CNTN5: variants seen among roughly 807,000 people sequenced by gnomAD.
CNTN5 encodes the protein contactin 5.
A neutral mutation model predicts 129.1 loss-of-function variants in CNTN5; 77 were observed. The observed-to-expected ratio is 0.60, with a 90% CI of 0.50 to 0.72. The LOEUF (loss-of-function observed/expected upper bound fraction) is 0.72. Ranked by LOEUF, CNTN5 falls within the 30% of genes least tolerant of loss-of-function variation. The probability of loss-of-function intolerance (pLI) is 0.00; values close to 1 mark genes in which losing one functional copy is unlikely to be tolerated. For missense variants in CNTN5, 1,478 were observed against 1,328.8 expected (o/e 1.11, Z -1.75); for synonymous variants, 509 against 465.6 (o/e 1.09, Z -1.20).
At chr11:99,895,272 A>G (rs989789227) in intron 6 of CNTN5, among the ~76,000 whole-genome samples, 1 of 152,192 alleles carries the variant, frequency 6.6e-6, no homozygotes, top group East Asian at 1.9e-4. Flanking sequence ...AGGGCTAGTC[A>G]ATATTGACAT....
intron 15 of CNTN5, among the ~76,000 whole-genome samples, chr11:100,204,498 C>A (rs996440545): frequency 1.3e-5 from 2 of 149,550 alleles, no homozygotes; most frequent in Non-Finnish European, 3.0e-5. Context: ...AGAAGAGAGA[C>A]AGGCTCTCAC....
At chr11:100,305,263 A>T (rs140085904) in intron 20 of CNTN5, among the ~76,000 whole-genome samples, 2 of 151,600 alleles carry the variant, frequency 1.3e-5, no homozygotes, top group African/African-American at 4.8e-5. Context: ...GATTTAAAAC[A>T]GGTCCATTAC....
chr11:99,823,299 C>G (rs925273325), intron 4 of CNTN5, among the ~76,000 whole-genome samples: 11 of 152,026 alleles, frequency 7.2e-5, no homozygotes, highest in African/African-American at 2.7e-4. Context: ...TTTAAAGTTT[C>G]CTTTATATGT....
intron 10 of CNTN5, among the ~76,000 whole-genome samples, chr11:100,066,974 C>A (rs184794409): frequency 6.6e-6 from 1 of 151,948 alleles, no homozygotes; most frequent in Non-Finnish European, 1.5e-5. Context: ...TATTTCAGGC[C>A]TTAATTCAGT....
intron 2 of CNTN5, among the ~76,000 whole-genome samples, chr11:99,445,943 G>A (rs181580457): frequency 2.5e-4 from 38 of 152,028 alleles, no homozygotes; most frequent in African/African-American, 8.7e-4. Context: ...AATTAGCCAG[G>A]CGTGGTGGCA....
intron 2 of CNTN5, among the ~76,000 whole-genome samples, chr11:99,427,505 G>A (rs1305364318): frequency 5.9e-5 from 9 of 152,188 alleles, no homozygotes; most frequent in East Asian, 3.9e-4. Context: ...GGTGGCTCAC[G>A]CCTGTTATCC....
intron 3 of CNTN5, among the ~76,000 whole-genome samples, chr11:99,720,216 C>A (rs968177345): frequency 2.6e-5 from 4 of 152,068 alleles, no homozygotes; most frequent in South Asian, 2.1e-4. Context: ...AGAGCCATAG[C>A]AACAACAACA....
chr11:99,216,265 C>T (rs964139285), intron 1 of CNTN5, among the ~76,000 whole-genome samples: 2 of 152,060 alleles, frequency 1.3e-5, no homozygotes, highest in Non-Finnish European at 2.9e-5. Flanking sequence ...GTTTCTTTGT[C>T]TGGCTTATTG....
intron 10 of CNTN5, among the ~76,000 whole-genome samples, chr11:100,062,724 A>G (rs1189074645): frequency 6.6e-6 from 1 of 152,224 alleles, no homozygotes; most frequent in African/African-American, 2.4e-5. Flanking sequence ...AGAAAAGGAC[A>G]TAGACATTTA....
chr11:99,070,673 A>G (rs1198012358), intron 1 of CNTN5, among the ~76,000 whole-genome samples: 1 of 152,128 alleles, frequency 6.6e-6, no homozygotes, highest in East Asian at 1.9e-4. Context: ...GGCCATTTTT[A>G]AACCTTAAAT....
At chr11:99,876,980 G>T (rs1948648609) in intron 6 of CNTN5, among the ~76,000 whole-genome samples, 1 of 152,084 alleles carries the variant, frequency 6.6e-6, no homozygotes, top group Admixed American at 6.5e-5. Flanking sequence ...TTTCTCTGTA[G>T]AAGTGAGTTA....
intron 1 of CNTN5, among the ~76,000 whole-genome samples, chr11:99,210,227 A>C (rs1859698691): frequency 6.6e-6 from 1 of 152,200 alleles, no homozygotes; most frequent in African/African-American, 2.4e-5. Flanking sequence ...AATTTATAGC[A>C]TGAGAATCCC....
intron 1 of CNTN5, among the ~76,000 whole-genome samples, chr11:99,189,479 T>A (rs1185074792): frequency 6.6e-6 from 1 of 151,604 alleles, no homozygotes. Flanking sequence ...TTATATTGAC[T>A]GTTCTAATTT....
intron 13 of CNTN5, among the ~76,000 whole-genome samples, chr11:100,119,198 G>A (rs1227471428): frequency 2.0e-5 from 3 of 151,978 alleles, no homozygotes; most frequent in East Asian, 1.9e-4. Flanking sequence ...TTGTCCAGCA[G>A]CATAAACACA....
intron 1 of CNTN5, among the ~76,000 whole-genome samples, chr11:99,197,313 C>T (rs1428296112): frequency 6.6e-6 from 1 of 151,726 alleles, no homozygotes; most frequent in African/African-American, 2.4e-5. Flanking sequence ...ATGTTGAAGC[C>T]ATAGATACCT....
At chr11:99,567,001 A>C (rs1256214952) in intron 3 of CNTN5, among the ~76,000 whole-genome samples, 1 of 152,238 alleles carries the variant, frequency 6.6e-6, no homozygotes, top group Non-Finnish European at 1.5e-5. Flanking sequence ...AGGTATATTT[A>C]TATCTTTTCC....
At chr11:99,749,555 C>T (rs1246543079) in intron 3 of CNTN5, among the ~76,000 whole-genome samples, 1 of 152,002 alleles carries the variant, frequency 6.6e-6, no homozygotes, top group Non-Finnish European at 1.5e-5. Context: ...CCTCAGTGGC[C>T]CAGTCTTAGG....
chr11:99,848,721 C>T (rs1947780431), intron 6 of CNTN5, among the ~76,000 whole-genome samples: 4 of 152,080 alleles, frequency 2.6e-5, no homozygotes, highest in African/African-American at 9.7e-5. Flanking sequence ...TTACCTTTTA[C>T]ACTTTAATTT....
At chr11:99,208,007 T>C (rs1046150265) in intron 1 of CNTN5, among the ~76,000 whole-genome samples, 5 of 152,206 alleles carry the variant, frequency 3.3e-5, no homozygotes, top group Admixed American at 3.3e-4. Flanking sequence ...TTCACAGTTG[T>C]GTTTAATTAG....
Sources: allele counts gnomAD v4.1 joint callset (sites outside exome capture counted in the v4.1 genomes callset), GRCh38; gene constraint gnomAD v4.1.1; transcripts MANE v1.5; gene names NCBI Gene and HGNC (gene_info 2026-07-23, HGNC 2026-07-21).